The following GRIN2A variants were observed in gnomAD, a reference collection of about 807,000 sequenced individuals.
GRIN2A encodes glutamate receptor ionotropic, NMDA 2A.
GRIN2A carries 22 observed loss-of-function variants against 113.4 expected under a neutral mutation model. That is an observed-to-expected ratio of 0.19 (90% CI 0.14 to 0.28). GRIN2A has a LOEUF of 0.28. Ranked by LOEUF, GRIN2A falls within the 10% of genes least tolerant of loss-of-function variation. The probability of loss-of-function intolerance (pLI) is 1.00; values close to 1 mark genes in which losing one functional copy is unlikely to be tolerated. For synonymous variants in GRIN2A, 827 were observed against 738.4 expected (o/e 1.12, Z -1.94); for missense variants, 1,502 against 1,887.0 (o/e 0.80, Z 3.78).
intron 2 of GRIN2A, among the ~76,000 whole-genome samples, chr16:9,971,247 G>A (rs1476997380): frequency 6.6e-6 from 1 of 152,204 alleles, no homozygotes; most frequent in Non-Finnish European, 1.5e-5. Flanking sequence ...CAGTAAAACA[G>A]AAGCTTCCAC....
At chr16:10,017,171 A>C (rs982931015) in intron 2 of GRIN2A, among the ~76,000 whole-genome samples, 2 of 152,240 alleles carry the variant, frequency 1.3e-5, no homozygotes, top group African/African-American at 4.8e-5. Context: ...CTGACCACAA[A>C]AACACCATAG....
chr16:9,785,619 G>A lies in GRIN2A; in HGVS notation c.2356+12658C>T, dbSNP rs1314964224. Among the ~76,000 whole-genome samples, 4 of 151,456 alleles carry A rather than the reference G, an allele frequency of 2.6e-5. No homozygotes were observed. In the South Asian group the frequency reaches 6.2e-4, roughly 24 times the overall value. On this transcript the variant is annotated intron_variant, in intron 11 of 12. Coordinates refer to ENST00000330684, the MANE Select transcript of GRIN2A (RefSeq NM_001134407.3). ...TATATATATATATAATGTAAAGGGA[G>A]CAAATGCCTGCTTTAAGAATTTTCA...
chr16:10,054,589 T>C (rs981774771), intron 2 of GRIN2A, among the ~76,000 whole-genome samples: 23 of 152,346 alleles, frequency 1.5e-4, no homozygotes, highest in African/African-American at 4.3e-4. Flanking sequence ...AGATGTTCTG[T>C]GTTTCGTTGA....
At chr16:9,890,854 C>T (rs189868384) in intron 4 of GRIN2A, 132 bp downstream of exon 4, 203 of 690,288 alleles carry the variant, frequency 2.9e-4, no homozygotes, top group Admixed American at 7.9e-4. Flanking sequence ...GCAAGAAAGA[C>T]GTGCTCTTGG....
intron 2 of GRIN2A, among the ~76,000 whole-genome samples, chr16:10,022,351 G>T (rs541378272): frequency 5.8e-4 from 85 of 146,786 alleles, no homozygotes; most frequent in African/African-American, 2.0e-3. Context: ...GCACATACGT[G>T]TACCATCCCA....
At chr16:9,795,664 G>T (rs1902938569) in intron 11 of GRIN2A, among the ~76,000 whole-genome samples, 1 of 152,168 alleles carries the variant, frequency 6.6e-6, no homozygotes, top group African/African-American at 2.4e-5. Context: ...TCTATGCTAA[G>T]CTAAGCTATG....
chr16:9,995,859 G>T (rs977452778), intron 2 of GRIN2A, among the ~76,000 whole-genome samples: 1 of 151,824 alleles, frequency 6.6e-6, no homozygotes, highest in Non-Finnish European at 1.5e-5. Context: ...GATCTATGTG[G>T]GATCATCAAT....
At position 9,757,926 on chromosome 16, in the gene GRIN2A, G is replaced by C. The variant is rs2141114326; in HGVS notation, c.*5223C>G. 4.5e-6 allele frequency: 1 copy of C among 223,776 alleles called. No homozygotes were observed. Among genetic ancestry groups the C allele is most frequent in the Admixed American group, 5.7e-5 (1 of 17,456 alleles). The allele number at this position is 223,776 out of a possible 1,614,324, so 13.9% of individuals were successfully genotyped here. A position where few individuals can be genotyped will look rare whatever the true frequency, so the allele number is the denominator to read the frequency against. On this transcript the variant is annotated 3_prime_UTR_variant, in exon 13 of 13. Transcript: ENST00000330684. ...CAGGGCAGCCTTATGGGGATCTCTG[G>C]CTCTTATTCCAGAGCTACTCAGGAG...
intron 2 of GRIN2A, among the ~76,000 whole-genome samples, chr16:10,071,226 T>G (rs971054316): frequency 1.3e-5 from 2 of 152,232 alleles, no homozygotes; most frequent in African/African-American, 4.8e-5. Flanking sequence ...GGTAGAATCA[T>G]GCAGACACAT....
In GRIN2A at chr16:9,758,824, T is replaced by C. The variant is rs1900461896; in HGVS notation, c.*4325A>G. 4.7e-6 allele frequency: 1 copy of C among 214,704 alleles called. No individual in the cohort carries two copies. The highest frequency in any genetic ancestry group is 2.3e-5 in the African/African-American group (1 of 44,362). The allele number at this position is 214,704 out of a possible 1,614,324, so 13.3% of individuals were successfully genotyped here. On this transcript the variant is annotated 3_prime_UTR_variant, in exon 13 of 13. Transcript: ENST00000330684. Reference sequence around the variant, plus strand: ...AGACCCCACAGCACTTTCAACCCTGTTCACCAAAAAGAGATGGGGTATCTG... The same window carrying C: ...AGACCCCACAGCACTTTCAACCCTGCTCACCAAAAAGAGATGGGGTATCTG...
At chr16:10,044,048 C>CGAG (rs2047218260) in intron 2 of GRIN2A, among the ~76,000 whole-genome samples, 1 of 126,980 alleles carries the variant, frequency 7.9e-6, no homozygotes, top group Non-Finnish European at 1.6e-5. Context: ...GAGAGAGAGA[C>CGAG]AGAGACAGAG....
intron 9 of GRIN2A, among the ~76,000 whole-genome samples, chr16:9,827,374 G>A (rs2042406144): frequency 6.6e-6 from 1 of 152,194 alleles, no homozygotes; most frequent in Non-Finnish European, 1.5e-5. Context: ...TGATTTACTA[G>A]TGAAGGGTTC....
chr16:10,039,577 G>A (rs1285691456), intron 2 of GRIN2A, among the ~76,000 whole-genome samples: 1 of 151,994 alleles, frequency 6.6e-6, no homozygotes, highest in Admixed American at 6.5e-5. Context: ...AGAGGGCAGC[G>A]AGGACTGCGC....
Position 9,875,498 on chromosome 16 carries a change from A to G in GRIN2A, c.1122+15488T>C, listed in dbSNP as rs568343504. The stretch of plus-strand genomic sequence containing the variant: ...GCTGACAGAGCCACTTGTAGCCAGA[A>G]GCAGATTGCTGGGGGGAGCAGCTCT... On this transcript the variant is annotated intron_variant, in intron 4 of 12. Coordinates refer to ENST00000330684, the MANE Select transcript of GRIN2A (RefSeq NM_001134407.3). Among the ~76,000 whole-genome samples the G allele has an allele frequency of 4.6e-5, 7 of 152,308 alleles. No individual in the cohort carries two copies. In the South Asian group the frequency reaches 1.5e-3, roughly 32 times the overall value.
At chr16:9,974,170 G>C (rs1010065579) in intron 2 of GRIN2A, among the ~76,000 whole-genome samples, 1 of 152,058 alleles carries the variant, frequency 6.6e-6, no homozygotes, top group African/African-American at 2.4e-5. Context: ...AGAGAGACAG[G>C]CCCTCTCACA....
intron 12 of GRIN2A, among the ~76,000 whole-genome samples, chr16:9,765,730 A>G (rs1411955820): frequency 6.6e-6 from 1 of 152,138 alleles, no homozygotes; most frequent in African/African-American, 2.4e-5. Flanking sequence ...TAATCGACTC[A>G]ATCTATTCCT....
At chr16:9,773,155 A>G (rs1176718562) in intron 11 of GRIN2A, among the ~76,000 whole-genome samples, 1 of 152,212 alleles carries the variant, frequency 6.6e-6, no homozygotes, top group East Asian at 1.9e-4. Flanking sequence ...CGTGGCCTGC[A>G]GCACGTAGTG....
chr16:10,016,183 A>G (rs837694), intron 2 of GRIN2A, among the ~76,000 whole-genome samples: 87,137 of 149,686 alleles, frequency 0.58, 25,701 homozygotes, highest in Middle Eastern at 0.67. Context: ...AGGGTAATGT[A>G]AGAGGCGCAG....
chr16:10,114,859 G>A (rs568759475), intron 2 of GRIN2A, among the ~76,000 whole-genome samples: 81 of 152,340 alleles, frequency 5.3e-4, no homozygotes, highest in African/African-American at 1.9e-3. Flanking sequence ...AGGTCTGCAT[G>A]CTGTTTTAAA....
Sources: gnomAD v4.1 joint callset for allele counts (sites outside exome capture counted in the v4.1 genomes callset) on GRCh38, gnomAD v4.1.1 for gene constraint, MANE v1.5 for transcripts, NCBI Gene and HGNC (gene_info 2026-07-23, HGNC 2026-07-21) for gene names.